APBB2: variants seen among roughly 807,000 people sequenced by gnomAD.
APBB2 encodes the protein Fe65-like 1.
In APBB2, 38 loss-of-function variants were observed where a neutral mutation model predicts 82.5. The observed-to-expected ratio is 0.46, with a 90% CI of 0.36 to 0.60. APBB2 has a LOEUF of 0.60. APBB2 is among the 20% of genes least tolerant of loss of function. APBB2 has a pLI of 0.00. For missense variants in APBB2, 772 were observed against 972.3 expected (o/e 0.79, Z 2.74); for synonymous variants, 341 against 368.2 (o/e 0.93, Z 0.85).
Position 41,188,900 on chromosome 4 carries a change from G to A in APBB2, c.-417+25505C>T, listed in dbSNP as rs150774474. Among the ~76,000 whole-genome samples, 606 of 152,164 alleles carry A rather than the reference G, an allele frequency of 4.0e-3. 1 individual carries two copies. The highest frequency in any genetic ancestry group is 0.014 in the Middle Eastern group (4 of 294). On this transcript the variant is annotated intron_variant, in intron 1 of 17. Coordinates refer to ENST00000508593, the MANE Select transcript of APBB2 (RefSeq NM_004307.2). ...TGCACTCCAGCCTAGGTGACAGTGA[G>A]ACCCCGTCTCAATTCAAAAAAAGAA...
intron 10 of APBB2, among the ~76,000 whole-genome samples, chr4:40,924,354 A>AC (rs1364654969): frequency 6.6e-6 from 1 of 152,048 alleles, no homozygotes; most frequent in Non-Finnish European, 1.5e-5. Context: ...GGCAGATTGT[A>AC]CCTCCCAAAG....
chr4:41,190,192 T>C (rs1282853306), intron 1 of APBB2, among the ~76,000 whole-genome samples: 1 of 151,882 alleles, frequency 6.6e-6, no homozygotes, highest in East Asian at 1.9e-4. Flanking sequence ...CATTGTAGTA[T>C]ATTTGCTTTC....
At chr4:40,878,853 C>T (rs1454663974) in intron 12 of APBB2, among the ~76,000 whole-genome samples, 1 of 152,098 alleles carries the variant, frequency 6.6e-6, no homozygotes, top group Non-Finnish European at 1.5e-5. Context: ...TTTGGCCCCA[C>T]GTCTGATCTG....
In APBB2 at chr4:40,890,414, C is replaced by T. The variant is rs201208654; in HGVS notation, c.1479G>A (p.Ser493=). The change falls in exon 12 of 18, where the codon TCG becomes TCA. Residue 493 remains serine (S), a synonymous_variant. Transcript: ENST00000508593. The part of the protein sequence containing the change: ...VDPMDRSVLH[S]QPIVSIRVWG... ...ACACGCGGATGCTGACGATGGGCTG[C>T]GAGTGCAGCACGCTGCGGTCCATGG... is the stretch of plus-strand genomic sequence containing the variant. 6 of 1,613,800 alleles carry T rather than the reference C, an allele frequency of 3.7e-6. No individual in the cohort carries two copies. The highest frequency in any genetic ancestry group is 1.3e-5 in the African/African-American group (1 of 74,926).
chr4:41,149,611 G>A (rs2661665), intron 1 of APBB2, among the ~76,000 whole-genome samples: 54,907 of 151,966 alleles, frequency 0.36, 10,507 homozygotes, highest in African/African-American at 0.49. Flanking sequence ...ATGAATATCT[G>A]GGTAAAAGTG....
intron 1 of APBB2, among the ~76,000 whole-genome samples, chr4:41,186,836 A>G (rs1260945103): frequency 6.6e-6 from 1 of 152,224 alleles, no homozygotes; most frequent in Non-Finnish European, 1.5e-5. Flanking sequence ...AACATGCTCA[A>G]TGCCATACAA....
intron 7 of APBB2, among the ~76,000 whole-genome samples, chr4:40,938,723 G>C (rs547304284): frequency 1.3e-5 from 2 of 152,252 alleles, no homozygotes; most frequent in South Asian, 4.1e-4. Flanking sequence ...CTGAGAACTG[G>C]GTAGAGAGGA....
At chr4:41,188,622 G>A (rs1194492170) in intron 1 of APBB2, among the ~76,000 whole-genome samples, 1 of 152,212 alleles carries the variant, frequency 6.6e-6, no homozygotes, top group Non-Finnish European at 1.5e-5. Flanking sequence ...TTCCCGAACT[G>A]TGAGAAATAA....
At chr4:41,208,827 C>T (rs545525978) in intron 1 of APBB2, among the ~76,000 whole-genome samples, 10 of 152,120 alleles carry the variant, frequency 6.6e-5, no homozygotes, top group Admixed American at 1.3e-4. Context: ...GTTCTCTTCT[C>T]GTATTTGTCC....
chr4:40,837,171 T>G (rs927772727), intron 12 of APBB2, among the ~76,000 whole-genome samples: 1 of 152,202 alleles, frequency 6.6e-6, no homozygotes, highest in African/African-American at 2.4e-5. Flanking sequence ...AGGCCGAGCA[T>G]GTGGGCTGGG....
intron 2 of APBB2, among the ~76,000 whole-genome samples, chr4:41,139,620 C>T (rs1197338666): frequency 1.3e-5 from 2 of 152,052 alleles, no homozygotes; most frequent in East Asian, 1.9e-4. Flanking sequence ...CATGAAAAGA[C>T]ATGGAGGAAA....
At chr4:40,870,844 T>C (rs1765308545) in intron 12 of APBB2, among the ~76,000 whole-genome samples, 1 of 151,272 alleles carries the variant, frequency 6.6e-6, no homozygotes, top group African/African-American at 2.4e-5. Flanking sequence ...GCGATTCTCC[T>C]GCCTCAGCCT....
rs1452062616 is a variant in APBB2 at position 40,979,680 on chromosome 4, T to C, written c.835+33903A>G. Among the ~76,000 whole-genome samples, 10 of 152,288 alleles carry C rather than the reference T, an allele frequency of 6.6e-5. No homozygotes were observed. In the East Asian group the frequency reaches 1.9e-3, roughly 29 times the overall value. Reference sequence around the variant, plus strand: ...ACACAGCAAGGACCAAAGGGCAGCCTCTGGGGATGGAAAGTGAGCCTGGCT... The same window carrying C: ...ACACAGCAAGGACCAAAGGGCAGCCCCTGGGGATGGAAAGTGAGCCTGGCT... On this transcript the variant is annotated intron_variant, in intron 6 of 17. Transcript: ENST00000508593.
At position 41,033,584 on chromosome 4, in the gene APBB2, TCACACACACACA is replaced by T. The variant is rs71915197; in HGVS notation, c.-50-292_-50-281del. The stretch of plus-strand genomic sequence containing the variant: ...CTCAAGTTTCCAATGCTTTTTCTCA[TCACACACACACA>T]CACACACACACACACACACACACAC... On this transcript the variant is annotated intron_variant, in intron 4 of 17. Coordinates refer to ENST00000508593, the MANE Select transcript of APBB2 (RefSeq NM_004307.2). Among the ~76,000 whole-genome samples the T allele has an allele frequency of 2.6e-4, 34 of 130,824 alleles. 1 individual carries two copies. The highest frequency in any genetic ancestry group is 2.0e-3 in the Admixed American group (26 of 12,886). The allele number at this position is 130,824 out of a possible 152,430, so 85.8% of individuals were successfully genotyped here.
chr4:40,930,768 G>C lies in APBB2; in HGVS notation c.1254+3688C>G, dbSNP rs370769885. 2.4e-4 allele frequency among the ~76,000 whole-genome samples: 37 copies of C among 152,030 alleles called. 1 individual carries two copies. In the South Asian group the frequency reaches 7.1e-3, roughly 29 times the overall value. On this transcript the variant is annotated intron_variant, in intron 10 of 17. Transcript: ENST00000508593. ...TTTTATTTATTTATTTATTTTTTGA[G>C]ACGGAGTCTCGCTCTGTCGCCCAGG... is the stretch of plus-strand genomic sequence containing the variant.
intron 12 of APBB2, among the ~76,000 whole-genome samples, chr4:40,839,884 C>T (rs1755252348): frequency 1.3e-5 from 2 of 152,058 alleles, no homozygotes; most frequent in South Asian, 2.1e-4. Context: ...AGGGTGGTCT[C>T]GAATTCCTGA....
intron 12 of APBB2, among the ~76,000 whole-genome samples, chr4:40,835,274 T>TAAAA (rs55645125): frequency 7.6e-6 from 1 of 130,934 alleles, no homozygotes; most frequent in Non-Finnish European, 1.7e-5. Context: ...AGATTCCGTC[T>TAAAA]AAAAAAAAAA....
intron 5 of APBB2, among the ~76,000 whole-genome samples, chr4:41,025,698 C>T (rs1713750694): frequency 6.6e-6 from 1 of 151,868 alleles, no homozygotes; most frequent in Non-Finnish European, 1.5e-5. Flanking sequence ...GTGGGTGGAT[C>T]ACCTCAGGTC....
intron 6 of APBB2, among the ~76,000 whole-genome samples, chr4:40,989,756 C>T (rs1396974329): frequency 6.6e-6 from 1 of 152,108 alleles, no homozygotes; most frequent in Non-Finnish European, 1.5e-5. Flanking sequence ...ATCCGAGCCT[C>T]GTCGGAAGGG....
Sources: allele counts gnomAD v4.1 joint callset (sites outside exome capture counted in the v4.1 genomes callset), GRCh38; gene constraint gnomAD v4.1.1; transcripts MANE v1.5; gene names NCBI Gene and HGNC (gene_info 2026-07-23, HGNC 2026-07-21).